The following THSD4 variants were observed in gnomAD, a reference collection of about 807,000 sequenced individuals.
THSD4 encodes thrombospondin type 1 domain containing 4, also known as thrombospondin type-1 domain-containing protein 4.
THSD4 carries 69 observed loss-of-function variants against 119.0 expected under a neutral mutation model. The ratio of observed to expected loss-of-function variants is 0.58; its 90% CI spans 0.48 to 0.71. THSD4 has a LOEUF of 0.71. Ranked by LOEUF, THSD4 falls within the 30% of genes least tolerant of loss-of-function variation. The probability of loss-of-function intolerance (pLI) is 0.00; values close to 1 mark genes in which losing one functional copy is unlikely to be tolerated. For missense variants in THSD4, 1,393 were observed against 1,391.1 expected, an observed-to-expected ratio of 1.00 and a Z score of -0.02; for synonymous variants, 524 against 540.4, an observed-to-expected ratio of 0.97 and a Z score of 0.42.
At chr15:71,475,478 G>A (rs751818139) in intron 7 of THSD4, among the ~76,000 whole-genome samples, 3 of 152,168 alleles carry the variant, frequency 2.0e-5, no homozygotes, top group Non-Finnish European at 2.9e-5. Flanking sequence ...ATTTGGTGGC[G>A]TAAATCTGGG....
intron 7 of THSD4, among the ~76,000 whole-genome samples, chr15:71,544,126 G>A (rs1006491185): frequency 6.6e-6 from 1 of 152,212 alleles, no homozygotes; most frequent in Admixed American, 6.5e-5. Flanking sequence ...AGGAGACAGG[G>A]CCTAGAATAT....
chr15:71,237,411 T>TGAGATAGAGAATATGGGAA (rs2044114260), intron 4 of THSD4, among the ~76,000 whole-genome samples: 1 of 152,150 alleles, frequency 6.6e-6, no homozygotes, highest in Non-Finnish European at 1.5e-5. Context: ...TAAGGACTAC[T>TGAGATAGAGAATATGGGAA]GAGATAGAGA....
intron 6 of THSD4, among the ~76,000 whole-genome samples, chr15:71,382,331 G>T (rs745394048): frequency 1.1e-4 from 17 of 152,114 alleles, no homozygotes; most frequent in Non-Finnish European, 1.8e-4. Context: ...CCAAGAAAAC[G>T]TTCTTCTTTT....
chr15:71,705,145 G>A (rs1595878080), intron 8 of THSD4, among the ~76,000 whole-genome samples: 1 of 152,288 alleles, frequency 6.6e-6, no homozygotes, highest in East Asian at 1.9e-4. Flanking sequence ...AAGAATGGAA[G>A]GGTAGCTGGA....
intron 6 of THSD4, among the ~76,000 whole-genome samples, chr15:71,305,397 AC>A (rs1293428840): frequency 6.6e-6 from 1 of 152,020 alleles, no homozygotes; most frequent in Admixed American, 6.6e-5. Context: ...TCCCAAGATC[AC>A]CCCCAGGAGT....
intron 6 of THSD4, among the ~76,000 whole-genome samples, chr15:71,310,126 C>T (rs1421609571): frequency 1.3e-5 from 2 of 151,346 alleles, no homozygotes; most frequent in African/African-American, 2.4e-5. Flanking sequence ...TACCCTGCCT[C>T]CTCTAATCCA....
At chr15:71,735,784 C>T (rs375223796) in intron 10 of THSD4, among the ~76,000 whole-genome samples, 1 of 151,342 alleles carries the variant, frequency 6.6e-6, no homozygotes, top group East Asian at 2.0e-4. Context: ...CTGTCTCTGT[C>T]TCTCCTGCTC....
intron 1 of THSD4, among the ~76,000 whole-genome samples, chr15:71,133,469 G>A (rs1596215313): frequency 6.6e-6 from 1 of 152,152 alleles, no homozygotes; most frequent in South Asian, 2.1e-4. Flanking sequence ...TAACAAATAA[G>A]TCTTTGAGGA....
chr15:71,430,941 G>T (rs905368832), intron 7 of THSD4, among the ~76,000 whole-genome samples: 1 of 151,994 alleles, frequency 6.6e-6, no homozygotes, highest in African/African-American at 2.4e-5. Context: ...TCCAGTCAAG[G>T]CCTTGGTAAA....
At chr15:71,236,153 T>C (rs1341589810) in intron 4 of THSD4, among the ~76,000 whole-genome samples, 1 of 152,126 alleles carries the variant, frequency 6.6e-6, no homozygotes, top group Admixed American at 6.6e-5. Flanking sequence ...GGAACTTGCC[T>C]GAGCTCTAAG....
intron 6 of THSD4, among the ~76,000 whole-genome samples, chr15:71,316,092 C>T (rs2045183193): frequency 6.6e-6 from 1 of 151,972 alleles, no homozygotes; most frequent in African/African-American, 2.4e-5. Context: ...CAAAGTTATC[C>T]CTGTTAGCCT....
At chr15:71,247,614 G>A (rs768183848) in intron 5 of THSD4, among the ~76,000 whole-genome samples, 7 of 152,070 alleles carry the variant, frequency 4.6e-5, no homozygotes, top group Non-Finnish European at 7.4e-5. Context: ...GGTCCTAGAG[G>A]CCCTTTGCAG....
chr15:71,143,700 C>CTTTTTTTTTTTTTTTTT (rs546375502), intron 2 of THSD4, among the ~76,000 whole-genome samples: 6 of 100,736 alleles, frequency 6.0e-5, no homozygotes, highest in Non-Finnish European at 8.6e-5. Flanking sequence ...TTTTTTCTTT[C>CTTTTTTTTTTTTTTTTT]TTTTTTTTTT....
At chr15:71,432,512 T>G (rs2046956021) in intron 7 of THSD4, among the ~76,000 whole-genome samples, 1 of 119,488 alleles carries the variant, frequency 8.4e-6, no homozygotes, top group Non-Finnish European at 1.7e-5. Context: ...AATCTGTTCC[T>G]TTCCCTCCCT....
chr15:71,679,818 C>T (rs1386917735), intron 8 of THSD4, among the ~76,000 whole-genome samples: 5 of 152,124 alleles, frequency 3.3e-5, no homozygotes, highest in African/African-American at 9.7e-5. Context: ...GGAGGGGGAG[C>T]GGCTGCTGTA....
At chr15:71,544,631 A>G (rs1341757610) in intron 7 of THSD4, among the ~76,000 whole-genome samples, 1 of 152,252 alleles carries the variant, frequency 6.6e-6, no homozygotes, top group Non-Finnish European at 1.5e-5. Flanking sequence ...GAATTACCGT[A>G]TGATTCAGTG....
chr15:71,442,144 G>C (rs1243056289), intron 7 of THSD4, among the ~76,000 whole-genome samples: 1 of 151,994 alleles, frequency 6.6e-6, no homozygotes, highest in Non-Finnish European at 1.5e-5. Context: ...TATTTTAGCA[G>C]AGATGGGGTT....
intron 10 of THSD4, among the ~76,000 whole-genome samples, chr15:71,735,002 TAGTC>T (rs1235725435): frequency 7.2e-5 from 11 of 152,086 alleles, no homozygotes; most frequent in African/African-American, 2.7e-4. Context: ...TATTTTCCAT[TAGTC>T]AGTTTAAATC....
At chr15:71,152,668 G>A (rs2040735365) in intron 2 of THSD4, among the ~76,000 whole-genome samples, 1 of 152,240 alleles carries the variant, frequency 6.6e-6, no homozygotes, top group African/African-American at 2.4e-5. Flanking sequence ...TGGCAAAGAC[G>A]TTCCCAGCGG....
Sources: allele counts gnomAD v4.1 joint callset (sites outside exome capture counted in the v4.1 genomes callset), GRCh38; gene constraint gnomAD v4.1.1; transcripts MANE v1.5; gene names NCBI Gene and HGNC (gene_info 2026-07-23, HGNC 2026-07-21).